SMC6: variants seen among roughly 807,000 people sequenced by gnomAD.
SMC6 encodes structural maintenance of chromosomes 6.
In SMC6, 79 loss-of-function variants were observed where a neutral mutation model predicts 142.2. The observed-to-expected ratio is 0.56, with a 90% CI of 0.46 to 0.67. The LOEUF (loss-of-function observed/expected upper bound fraction) is 0.67, where lower values mean the gene tolerates loss of function less well. Among genes scored for constraint, SMC6 ranks in the 30% least tolerant of loss-of-function variants. SMC6 has a pLI of 0.00. For missense variants in SMC6, 1,072 were observed against 1,284.0 expected (o/e 0.83, Z 2.52); for synonymous variants, 411 against 412.4 (o/e 1.00, Z 0.04).
rs534340583 is a variant in SMC6, at chr2:17,667,088, C to T, written c.3064-571G>A. 3.3e-5 allele frequency among the ~76,000 whole-genome samples: 5 copies of T among 152,274 alleles called. No homozygotes were observed. In the South Asian group the frequency reaches 8.3e-4, roughly 25 times the overall value. The stretch of plus-strand genomic sequence containing the variant: ...TATACACAGCCCCCTCCCTCAAATA[C>T]GTGTAGCAATTGAAATAATCAGAAA... On this transcript the variant is annotated intron_variant, in intron 26 of 27. Transcript: ENST00000448223.
chr2:17,709,896 G>A (rs1668738907), intron 16 of SMC6, among the ~76,000 whole-genome samples: 1 of 152,210 alleles, frequency 6.6e-6, no homozygotes, highest in African/African-American at 2.4e-5. Context: ...CCTAAAAGGT[G>A]TGTCAGAGAA....
intron 23 of SMC6, among the ~76,000 whole-genome samples, chr2:17,692,801 A>T (rs964838108): frequency 6.6e-6 from 1 of 152,174 alleles, no homozygotes. Flanking sequence ...TTTGCAATCT[A>T]CTCATCTGAC....
chr2:17,742,982 A>G (rs1324890107), intron 3 of SMC6, among the ~76,000 whole-genome samples: 2 of 152,174 alleles, frequency 1.3e-5, no homozygotes, highest in Non-Finnish European at 1.5e-5. Flanking sequence ...GTTCATTTCT[A>G]TTAACTTTGC....
At chr2:17,721,114 C>A in intron 10 of SMC6, 28 bp downstream of exon 10, 2 of 1,610,318 alleles carry the variant, frequency 1.2e-6, no homozygotes, top group East Asian at 2.2e-5. Context: ...CACATAGATA[C>A]GTGAACAAGT....
Position 17,726,403 on chromosome 2 carries a change from C to T in SMC6, c.610G>A (p.Gly204Arg). The part of the protein sequence containing the change: ...SKQFLQSKNE[G>R]DKYKFFMKAT... ...GTGCCACTTACTTTGTATTTGTCTCCTTCATTTTTAGACTGTAAGAACTGC... is the reference window on the plus strand; with the variant it reads ...GTGCCACTTACTTTGTATTTGTCTCTTTCATTTTTAGACTGTAAGAACTGC... Residue 204 changes from glycine (G) to arginine (R), a missense_variant, in exon 8 of 28, where the codon GGA becomes AGA. Transcript: ENST00000448223. 2 of 1,611,494 alleles carry T rather than the reference C, an allele frequency of 1.2e-6. No individual in the cohort carries two copies. The highest frequency in any genetic ancestry group is 1.3e-5 in the African/African-American group (1 of 74,904).
intron 25 of SMC6, among the ~76,000 whole-genome samples, chr2:17,670,984 C>T (rs185430432): frequency 3.2e-4 from 49 of 152,066 alleles, no homozygotes; most frequent in African/African-American, 1.2e-3. Flanking sequence ...ACCTCAGCCT[C>T]CCAAGTAGTT....
intron 5 of SMC6, among the ~76,000 whole-genome samples, chr2:17,736,786 C>T (rs1572351903): frequency 6.6e-6 from 1 of 151,590 alleles, no homozygotes; most frequent in East Asian, 1.9e-4. Flanking sequence ...GCATGAGAAT[C>T]ACTTGAACCC....
At chr2:17,720,862 G>C (rs1669331565) in intron 11 of SMC6, 78 bp downstream of exon 11, 4 of 1,186,366 alleles carry the variant, frequency 3.4e-6, no homozygotes, top group South Asian at 1.3e-5. Context: ...CTGATGGTTT[G>C]GTGGGTCATA....
Position 17,698,185 on chromosome 2 carries a change from G to A in SMC6, c.2395-1759C>T, listed in dbSNP as rs181671541. 9.9e-5 allele frequency among the ~76,000 whole-genome samples: 15 copies of A among 152,050 alleles called. No homozygotes were observed. The East Asian group carries it at 2.1e-3, about 21-fold the overall frequency. Reference sequence around the variant, plus strand: ...ATCAGTACGGGTTTCTTTATTAGGCGATGAAAATGTTCTAAAATGGTGGAA... The same window carrying A: ...ATCAGTACGGGTTTCTTTATTAGGCAATGAAAATGTTCTAAAATGGTGGAA... On this transcript the variant is annotated intron_variant, in intron 21 of 27. Transcript: ENST00000448223.
In SMC6 at chr2:17,683,590, GA is replaced by G. The variant is rs1667324197; in HGVS notation, c.2804+47del. ...ATTATATAAATAATATGAAAACAGA[GA>G]AACACAAAAATGTATAATATATAGT... On this transcript the variant is annotated intron_variant, in intron 24 of 27. Transcript: ENST00000448223. 4 of 1,490,918 alleles carry G rather than the reference GA, an allele frequency of 2.7e-6. No individual in the cohort carries two copies. The East Asian group carries it at 9.2e-5, about 34-fold the overall frequency. The allele number at this position is 1,490,918 out of a possible 1,614,324, so 92.4% of individuals were successfully genotyped here.
chr2:17,677,569 A>G (rs113519595), intron 25 of SMC6, among the ~76,000 whole-genome samples: 2 of 152,112 alleles, frequency 1.3e-5, no homozygotes, highest in African/African-American at 4.8e-5. Context: ...TGGAATTCCA[A>G]TTTGTCTACT....
chr2:17,727,857 T>TA (rs1669708319), intron 7 of SMC6, among the ~76,000 whole-genome samples: 1 of 152,160 alleles, frequency 6.6e-6, no homozygotes, highest in Non-Finnish European at 1.5e-5. Context: ...TTCAAGATAA[T>TA]AAAAAACATT....
At chr2:17,670,614 T>C (rs1345888620) in intron 25 of SMC6, 39 bp from the exon 26 acceptor site, 12 of 1,490,520 alleles carry the variant, frequency 8.1e-6, no homozygotes, top group Non-Finnish European at 9.8e-6. Flanking sequence ...AAAAACTAAG[T>C]AAATGAAAGG....
intron 6 of SMC6, 66 bp from the exon 7 acceptor site, chr2:17,731,205 G>A: frequency 9.5e-7 from 1 of 1,051,766 alleles, no homozygotes; most frequent in East Asian, 2.4e-5. Flanking sequence ...AAAATGTATA[G>A]TTACTTACAA....
chr2:17,731,931 C>A (rs1259991134), intron 5 of SMC6, 54 bp from the exon 6 acceptor site: 1 of 1,544,418 alleles, frequency 6.5e-7, no homozygotes, highest in Admixed American at 2.1e-5. Context: ...AATTACAATA[C>A]TAGGTTGCCA....
chr2:17,694,000 CAAAA>C (rs751816590), intron 23 of SMC6, among the ~76,000 whole-genome samples: 37 of 34,514 alleles, frequency 1.1e-3, no homozygotes, highest in African/African-American at 4.2e-3. Flanking sequence ...AACTCCATCT[CAAAA>C]AAAAAAAAAA....
intron 24 of SMC6, 189 bp from the exon 25 acceptor site, chr2:17,679,153 A>T (rs1486398587): frequency 6.4e-6 from 3 of 466,916 alleles, no homozygotes; most frequent in Non-Finnish European, 1.1e-5. Flanking sequence ...TTATGTCCCT[A>T]CACTTTCACC....
chr2:17,696,389 T>C lies in SMC6; in HGVS notation c.2432A>G (p.Gln811Arg). 1 of 1,611,286 alleles carries C rather than the reference T, an allele frequency of 6.2e-7. No homozygotes were observed. The highest frequency in any genetic ancestry group is 8.5e-7 in the Non-Finnish European group (1 of 1,179,452). Residue 811 changes from glutamine (Q) to arginine (R), a missense_variant, in exon 22 of 28, where the codon CAA (glutamine) becomes CGA (arginine). Transcript: ENST00000448223. ...LNLADSEVDN[Q>R]KRGKRHYEEK... is the part of the protein sequence containing the mutation. The stretch of plus-strand genomic sequence containing the variant: ...TTCATAATGTCGTTTCCCTCGTTTT[T>C]GGTTATCCACTTCAGAATCAGCAAG...
chr2:17,732,459 G>A (rs1008769075), intron 5 of SMC6, among the ~76,000 whole-genome samples: 8 of 152,276 alleles, frequency 5.3e-5, no homozygotes, highest in Middle Eastern at 3.4e-3. Context: ...AGCACTCTGC[G>A]AGGCCAAGGT....
Sources: gnomAD v4.1 joint callset for allele counts (sites outside exome capture counted in the v4.1 genomes callset) on GRCh38, gnomAD v4.1.1 for gene constraint, MANE v1.5 for transcripts, NCBI Gene and HGNC (gene_info 2026-07-23, HGNC 2026-07-21) for gene names.